The following EDARADD variants were observed in gnomAD, a reference collection of about 807,000 sequenced individuals.
The protein encoded by EDARADD is EDAR associated via death domain.
In EDARADD, 20 loss-of-function variants were observed where a neutral mutation model predicts 25.6. That is an observed-to-expected ratio of 0.78 (90% CI 0.55 to 1.14). EDARADD has a LOEUF of 1.14. EDARADD is among the 50% of genes most tolerant of loss of function. The pLI is 0.00. For synonymous variants in EDARADD, 86 were observed against 94.4 expected (o/e 0.91, Z 0.52); for missense variants, 225 against 270.1 (o/e 0.83, Z 1.17).
At chr1:236,414,221 C>T (rs764323532) in intron 2 of EDARADD, 39 bp from the exon 3 acceptor site, 8 of 1,542,860 alleles carry the variant, frequency 5.2e-6, no homozygotes, top group South Asian at 1.1e-5. Context: ...TCTTACATGG[C>T]ATTTAAAAAT....
intron 4 of EDARADD, among the ~76,000 whole-genome samples, chr1:236,429,754 A>G (rs763253155): frequency 6.6e-6 from 1 of 152,204 alleles, no homozygotes; most frequent in Non-Finnish European, 1.5e-5. Context: ...ATTGCCTGTC[A>G]TTCCACTGTT....
At chr1:236,471,743 T>C (rs61834031) in intron 5 of EDARADD, among the ~76,000 whole-genome samples, 2 of 152,204 alleles carry the variant, frequency 1.3e-5, no homozygotes, top group Non-Finnish European at 2.9e-5. Context: ...ACAGTCCTCT[T>C]GCAGCAGTGG....
chr1:236,352,725 G>A (rs937470826), intron 3 of EDARADD, among the ~76,000 whole-genome samples: 2 of 152,144 alleles, frequency 1.3e-5, no homozygotes. Flanking sequence ...GTGGGCACCT[G>A]TAATCCCAGC....
At chr1:236,351,222 G>A (rs955024963) in intron 3 of EDARADD, among the ~76,000 whole-genome samples, 1 of 152,040 alleles carries the variant, frequency 6.6e-6, no homozygotes, top group Admixed American at 6.6e-5. Context: ...CTATGCTCTC[G>A]GGAAGCAATC....
chr1:236,439,321 C>G (rs1658343134), intron 4 of EDARADD, among the ~76,000 whole-genome samples: 1 of 152,200 alleles, frequency 6.6e-6, no homozygotes, highest in Admixed American at 6.5e-5. Flanking sequence ...CATTCACGTG[C>G]AGATTTTTGT....
intron 3 of EDARADD, among the ~76,000 whole-genome samples, chr1:236,383,257 T>A (rs112422932): frequency 2.0e-5 from 3 of 152,000 alleles, no homozygotes; most frequent in African/African-American, 7.2e-5. Flanking sequence ...TAGCCAGGCA[T>A]GGTGGTGCAT....
intron 2 of EDARADD, among the ~76,000 whole-genome samples, chr1:236,349,354 T>G (rs150881214): frequency 0.011 from 1,706 of 152,282 alleles, 14 homozygotes; most frequent in Non-Finnish European, 0.018. Context: ...GTAAAATATT[T>G]TAAGAGATTT....
At chr1:236,416,113 C>CA (rs1444339168) in intron 3 of EDARADD, among the ~76,000 whole-genome samples, 2 of 152,102 alleles carry the variant, frequency 1.3e-5, no homozygotes, top group African/African-American at 2.4e-5. Flanking sequence ...CTTTTCTGTC[C>CA]AAAAAGGCTG....
In EDARADD at chr1:236,386,009, A is replaced by G. The variant is rs1471110350; in HGVS notation, c.-5-23207A>G. ...GACTGTACTGCTGCCATCTCGGCTC[A>G]CTGCAACCTCCCTGCCTGATTCTCC... On this transcript the variant is annotated intron_variant, in intron 3 of 7. Transcript: ENST00000439430. 1.3e-4 allele frequency among the ~76,000 whole-genome samples: 4 copies of G among 30,790 alleles called. 2 individuals are homozygous for G. The highest frequency in any genetic ancestry group is 3.7e-4 in the African/African-American group (4 of 10,820). The allele number at this position is 30,790 out of a possible 152,430, so 20.2% of individuals were successfully genotyped here. A position where few individuals can be genotyped will look rare whatever the true frequency, so the allele number is the denominator to read the frequency against.
chr1:236,446,077 A>G (rs1489426172), intron 4 of EDARADD, among the ~76,000 whole-genome samples: 2 of 152,210 alleles, frequency 1.3e-5, no homozygotes, highest in Non-Finnish European at 2.9e-5. Flanking sequence ...GAAATGCTTT[A>G]TATGAAAAAT....
rs559554895 is a variant in EDARADD, at chr1:236,470,594, G to A, written c.265+2318G>A. ...TGTCAAAATGAACCACCAGAGTGTG[G>A]GTTTTTTTGTTATTTTTTTTGTTTT... On this transcript the variant is annotated intron_variant, in intron 5 of 5. Coordinates refer to ENST00000334232, the MANE Select transcript of EDARADD (RefSeq NM_145861.4). Among the ~76,000 whole-genome samples the A allele has an allele frequency of 2.6e-5, 4 of 152,058 alleles. 1 individual carries two copies. In the South Asian group the frequency reaches 6.2e-4, roughly 24 times the overall value.
intron 1 of EDARADD, among the ~76,000 whole-genome samples, chr1:236,399,362 T>C (rs971195485): frequency 6.6e-6 from 1 of 152,056 alleles, no homozygotes; most frequent in East Asian, 1.9e-4. Context: ...TTGTATTTCT[T>C]TTTTAGTAGA....
chr1:236,405,619 C>A (rs1667693227), intron 1 of EDARADD, among the ~76,000 whole-genome samples: 1 of 152,098 alleles, frequency 6.6e-6, no homozygotes, highest in South Asian at 2.1e-4. Flanking sequence ...CCACTGAGGA[C>A]CGGTCCTTCC....
intron 4 of EDARADD, among the ~76,000 whole-genome samples, chr1:236,428,976 A>T (rs888436319): frequency 1.7e-4 from 26 of 152,126 alleles, no homozygotes; most frequent in African/African-American, 5.8e-4. Context: ...TCCACCAAAA[A>T]AATACGAAAA....
At chr1:236,369,616 TG>T (rs1442949080) in intron 3 of EDARADD, among the ~76,000 whole-genome samples, 5 of 151,906 alleles carry the variant, frequency 3.3e-5, no homozygotes, top group Non-Finnish European at 5.9e-5. Context: ...CCGAGGCAGG[TG>T]GATCACCTGA....
intron 3 of EDARADD, among the ~76,000 whole-genome samples, chr1:236,382,299 C>T (rs189246718): frequency 3.3e-5 from 5 of 152,098 alleles, no homozygotes; most frequent in African/African-American, 1.2e-4. Flanking sequence ...TATCTTTACT[C>T]TCAGGTATTA....
chr1:236,379,445 G>A (rs766464717), intron 3 of EDARADD, among the ~76,000 whole-genome samples: 9 of 151,850 alleles, frequency 5.9e-5, no homozygotes, highest in Non-Finnish European at 1.0e-4. Flanking sequence ...TTGAAACTGA[G>A]AAAGCTTCTA....
intron 5 of EDARADD, among the ~76,000 whole-genome samples, chr1:236,468,715 T>C (rs1403505920): frequency 6.6e-6 from 1 of 152,224 alleles, no homozygotes; most frequent in African/African-American, 2.4e-5. Context: ...CTACCTGCGG[T>C]GCACTGCAGG....
chr1:236,483,695 C>G lies in EDARADD; in HGVS notation c.*1046C>G. On this transcript the variant is annotated 3_prime_UTR_variant, in exon 6 of 6. Coordinates refer to ENST00000334232, the MANE Select transcript of EDARADD (RefSeq NM_145861.4). ...TGGTCCTCCCAGTCGGTGCAGCAAA[C>G]TTCAGGGAAGCCATGCCCATTGGAG... The G allele has an allele frequency of 6.4e-7, 1 of 1,569,986 alleles. No homozygotes were observed. Among genetic ancestry groups the G allele is most frequent in the Non-Finnish European group, 8.8e-7 (1 of 1,141,604 alleles).
Sources: gnomAD v4.1 joint callset for allele counts (sites outside exome capture counted in the v4.1 genomes callset) on GRCh38, gnomAD v4.1.1 for gene constraint, MANE v1.5 for transcripts, NCBI Gene and HGNC (gene_info 2026-07-23, HGNC 2026-07-21) for gene names.